The following CMPK1 variants were observed in gnomAD, a reference collection of about 807,000 sequenced individuals.
The protein encoded by CMPK1 is UMP-CMP kinase.
In CMPK1, 10 loss-of-function variants were observed where a neutral mutation model predicts 25.7. That is an observed-to-expected ratio of 0.39 (90% CI 0.24 to 0.66). The LOEUF (loss-of-function observed/expected upper bound fraction) is 0.66, where lower values mean the gene tolerates loss of function less well. Among genes scored for constraint, CMPK1 ranks in the 30% least tolerant of loss-of-function variants. CMPK1 has a pLI of 0.48. For missense variants in CMPK1, 199 were observed against 280.5 expected, an observed-to-expected ratio of 0.71 and a Z score of 2.08; for synonymous variants, 106 against 101.5, an observed-to-expected ratio of 1.04 and a Z score of -0.27.
intron 1 of CMPK1, among the ~76,000 whole-genome samples, chr1:47,335,425 T>G (rs1382611997): frequency 1.3e-5 from 2 of 151,994 alleles, no homozygotes; most frequent in African/African-American, 2.4e-5. Context: ...GATCACGAGG[T>G]CAGGAGTTCG....
intron 2 of CMPK1, among the ~76,000 whole-genome samples, chr1:47,372,610 A>G (rs1400468547): frequency 1.3e-5 from 2 of 152,118 alleles, no homozygotes; most frequent in Non-Finnish European, 2.9e-5. Context: ...CTTATTGTTT[A>G]TTTATAACTT....
rs761482346 is a variant in CMPK1 at position 47,373,069 on chromosome 1, G to C, written c.433G>C (p.Asp145His). The change falls in exon 3 of 6, where the codon GAT (aspartate) becomes CAT (histidine). Residue 145 changes from aspartate (D) to histidine (H), a missense_variant. Transcript: ENST00000371873. ...GAACAAGACCATGGATGGGAAGGCA[G>C]ATGTATCTTTCGTTCTCTTTTTTGA... ...GWNKTMDGKADVSFVLFFDCN... is the reference protein window; with the variant it reads ...GWNKTMDGKAHVSFVLFFDCN... 1 of 1,610,124 alleles carries C rather than the reference G, an allele frequency of 6.2e-7. No individual in the cohort carries two copies. The highest frequency in any genetic ancestry group is 8.5e-7 in the Non-Finnish European group (1 of 1,177,790).
At chr1:47,342,316 A>G (rs1046180420) in intron 1 of CMPK1, among the ~76,000 whole-genome samples, 3 of 151,596 alleles carry the variant, frequency 2.0e-5, no homozygotes, top group African/African-American at 7.3e-5. Flanking sequence ...TCTTGACCTC[A>G]GGTGATCTGC....
intron 1 of CMPK1, among the ~76,000 whole-genome samples, chr1:47,338,630 A>T (rs1474333706): frequency 8.2e-6 from 1 of 122,534 alleles, no homozygotes; most frequent in Non-Finnish European, 1.7e-5. Context: ...TTTTTTTTTT[A>T]CCAAATACCC....
In CMPK1 at chr1:47,342,869, C is replaced by T. The variant is rs190140800; in HGVS notation, c.171+8753C>T. Among the ~76,000 whole-genome samples the T allele has an allele frequency of 5.4e-3, 814 of 150,280 alleles. 4 individuals are homozygous for T. The highest frequency in any genetic ancestry group is 0.019 in the African/African-American group (761 of 41,058). Reference sequence around the variant, plus strand: ...TTCACCATGTTGGCCAGGTTGGTCTCAAACTCCTGGCTTTGTGATTCACCC... The same window carrying T: ...TTCACCATGTTGGCCAGGTTGGTCTTAAACTCCTGGCTTTGTGATTCACCC... On this transcript the variant is annotated intron_variant, in intron 1 of 5. Coordinates refer to ENST00000371873, the MANE Select transcript of CMPK1 (RefSeq NM_016308.3).
intron 1 of CMPK1, among the ~76,000 whole-genome samples, chr1:47,355,210 C>T (rs1646551263): frequency 6.6e-6 from 1 of 152,008 alleles, no homozygotes; most frequent in Non-Finnish European, 1.5e-5. Context: ...TCATGCCCAG[C>T]TAATTTTTGT....
intron 1 of CMPK1, among the ~76,000 whole-genome samples, chr1:47,358,080 A>G (rs1424498647): frequency 1.7e-5 from 2 of 119,448 alleles, no homozygotes; most frequent in Non-Finnish European, 3.4e-5. Context: ...TCTCTGACCT[A>G]TCTTGAGTGC....
chr1:47,374,381 TC>T (rs1646694949), intron 3 of CMPK1, among the ~76,000 whole-genome samples: 1 of 152,116 alleles, frequency 6.6e-6, no homozygotes, highest in Non-Finnish European at 1.5e-5. Context: ...AAAACGTAAC[TC>T]TCTTCTTCCA....
rs1646566159 is a variant in CMPK1, at chr1:47,357,110, C to T, written c.172-11359C>T. On this transcript the variant is annotated intron_variant, in intron 1 of 5. Coordinates refer to ENST00000371873, the MANE Select transcript of CMPK1 (RefSeq NM_016308.3). ...TCCTGAGTAGCTGGGACTACAGGCA[C>T]CCGCCACCACACCTGGCTAATTTTT... 2.6e-5 allele frequency among the ~76,000 whole-genome samples: 4 copies of T among 151,640 alleles called. 1 individual carries two copies. The highest frequency in any genetic ancestry group is 2.6e-4 in the Admixed American group (4 of 15,194).
At chr1:47,365,528 G>T (rs1477995444) in intron 1 of CMPK1, among the ~76,000 whole-genome samples, 1 of 151,686 alleles carries the variant, frequency 6.6e-6, no homozygotes. Flanking sequence ...CAGCTACTCG[G>T]GAGGCTGAGG....
chr1:47,350,730 T>G (rs578203602), intron 1 of CMPK1, among the ~76,000 whole-genome samples: 1 of 151,696 alleles, frequency 6.6e-6, no homozygotes, highest in African/African-American at 2.4e-5. Context: ...CCGTCTCTAC[T>G]AAAAATGCAA....
chr1:47,345,323 T>A (rs552133148), intron 1 of CMPK1, among the ~76,000 whole-genome samples: 3 of 152,228 alleles, frequency 2.0e-5, no homozygotes, highest in Non-Finnish European at 4.4e-5. Flanking sequence ...TCTCAGTTTT[T>A]TTTTTTCATA....
chr1:47,369,601 C>CA (rs1646662445), intron 2 of CMPK1, among the ~76,000 whole-genome samples: 1 of 151,386 alleles, frequency 6.6e-6, no homozygotes, highest in African/African-American at 2.4e-5. Flanking sequence ...CTCGCTCTGT[C>CA]GCCAGGCTGG....
intron 1 of CMPK1, among the ~76,000 whole-genome samples, chr1:47,339,678 A>ATTTCTT (rs369923149): frequency 5.2e-4 from 62 of 119,676 alleles, no homozygotes; most frequent in African/African-American, 1.9e-3. Context: ...TCTTCCTCTG[A>ATTTCTT]TTTCTTTTTC....
rs1301365989 is a variant in CMPK1, at chr1:47,378,237, A to G, written c.*1492A>G. Reference sequence around the variant, plus strand: ...AGAAAACAAAGTATTGCTAAGTACTATAACATATTGGCCACTAAAATTCAT... The same window carrying G: ...AGAAAACAAAGTATTGCTAAGTACTGTAACATATTGGCCACTAAAATTCAT... On this transcript the variant is annotated 3_prime_UTR_variant, in exon 6 of 6. Transcript: ENST00000371873. The G allele has an allele frequency of 6.6e-6, 1 of 152,160 alleles. No individual in the cohort carries two copies. Among genetic ancestry groups the G allele is most frequent in the Non-Finnish European group, 1.5e-5 (1 of 68,020 alleles). The allele number at this position is 152,160 out of a possible 1,614,324, so 9.4% of individuals were successfully genotyped here.
intron 5 of CMPK1, 105 bp from the exon 6 acceptor site, chr1:47,376,599 A>G: frequency 1.6e-6 from 1 of 629,594 alleles, no homozygotes; most frequent in Non-Finnish European, 2.8e-6. Flanking sequence ...TACAGATGTG[A>G]GCCACCGCGC....
intron 1 of CMPK1, among the ~76,000 whole-genome samples, chr1:47,355,894 C>T (rs1332902406): frequency 3.3e-5 from 5 of 152,252 alleles, no homozygotes; most frequent in South Asian, 2.1e-4. Context: ...TGTGAGCCAC[C>T]GCGCCCAGCC....
At chr1:47,359,529 A>G (rs1049349094) in intron 1 of CMPK1, among the ~76,000 whole-genome samples, 1 of 149,780 alleles carries the variant, frequency 6.7e-6, no homozygotes, top group Non-Finnish European at 1.5e-5. Context: ...CTGGGATTAC[A>G]GGTGCCCGCC....
chr1:47,351,745 A>G (rs892741712), intron 1 of CMPK1, among the ~76,000 whole-genome samples: 1 of 151,536 alleles, frequency 6.6e-6, no homozygotes, highest in Non-Finnish European at 1.5e-5. Context: ...ACCAATGTTT[A>G]TTTTTTTTGT....
Sources: gnomAD v4.1 joint callset for allele counts (sites outside exome capture counted in the v4.1 genomes callset) on GRCh38, gnomAD v4.1.1 for gene constraint, MANE v1.5 for transcripts, NCBI Gene and HGNC (gene_info 2026-07-23, HGNC 2026-07-21) for gene names.